Variants in CRTAM observed in about 807,000 individuals in gnomAD.
CRTAM encodes cytotoxic and regulatory T cell molecule.
CRTAM carries 44 observed loss-of-function variants against 50.0 expected under a neutral mutation model. The ratio of observed to expected loss-of-function variants is 0.88; its 90% CI spans 0.69 to 1.13. CRTAM has a LOEUF of 1.13. Among genes scored for constraint, CRTAM ranks in the 50% most tolerant of loss-of-function variants. The pLI is 0.00. For missense variants in CRTAM, 448 were observed against 457.5 expected (o/e 0.98, Z 0.19); for synonymous variants, 159 against 169.3 (o/e 0.94, Z 0.47).
chr11:122,863,344 AG>A (rs1862121967), intron 6 of CRTAM, among the ~76,000 whole-genome samples: 1 of 76,648 alleles, frequency 1.3e-5, no homozygotes, highest in Non-Finnish European at 3.9e-5. Flanking sequence ...AAAGAAAGAA[AG>A]AAAGAAAAAG....
intron 1 of CRTAM, among the ~76,000 whole-genome samples, chr11:122,849,855 T>G (rs930273653): frequency 1.3e-5 from 2 of 152,184 alleles, no homozygotes; most frequent in African/African-American, 4.8e-5. Flanking sequence ...TACCCCTTCC[T>G]TCAGACCTGA....
intron 7 of CRTAM, among the ~76,000 whole-genome samples, 187 bp downstream of exon 7, chr11:122,864,906 T>G (rs2135252608): frequency 6.6e-6 from 1 of 152,298 alleles, no homozygotes; most frequent in Non-Finnish European, 1.5e-5. Context: ...CTTTTCCTGG[T>G]TCTGTTATTT....
At position 122,854,067 on chromosome 11, in the gene CRTAM, G is replaced by A. The variant is rs1279946754; in HGVS notation, c.471G>A (p.Gly157=). Residue 157 remains glycine, a synonymous_variant, in exon 4 of 10, where the codon GGG becomes GGA. Transcript: ENST00000227348. ...CTCCGCAGATAACCTGGCTACTTGG[G>A]AATAGCATGGAAGTGTCCGGTAAGG... is the stretch of plus-strand genomic sequence containing the variant. ...KPPPQITWLL[G]NSMEVSGGTL... 1 of 1,613,932 alleles carries A rather than the reference G, an allele frequency of 6.2e-7. No homozygotes were observed. The highest frequency in any genetic ancestry group is 8.5e-7 in the Non-Finnish European group (1 of 1,179,922).
At position 122,862,136 on chromosome 11, in the gene CRTAM, T is replaced by C. The variant is rs1383015573; in HGVS notation, c.653-328T>C. ...CAAAGCCATCTAATAGGTAGATAGA[T>C]AGGTGGATGGGTAGATAAACAGACA... On this transcript the variant is annotated intron_variant, in intron 5 of 9. Coordinates refer to ENST00000227348, the MANE Select transcript of CRTAM (RefSeq NM_019604.4). Among the ~76,000 whole-genome samples, 4 of 152,256 alleles carry C rather than the reference T, an allele frequency of 2.6e-5. No individual in the cohort carries two copies. The East Asian group carries it at 7.7e-4, about 29-fold the overall frequency.
At chr11:122,851,591 C>A in intron 2 of CRTAM, 102 bp from the exon 3 acceptor site, 1 of 1,031,374 alleles carries the variant, frequency 9.7e-7, no homozygotes, top group Non-Finnish European at 1.5e-6. Context: ...TTGATTGTGC[C>A]AAATGTAGAA....
intron 9 of CRTAM, among the ~76,000 whole-genome samples, chr11:122,870,834 T>C (rs1382928601): frequency 6.6e-6 from 1 of 152,146 alleles, no homozygotes; most frequent in African/African-American, 2.4e-5. Context: ...ATCCCAGGAT[T>C]TGGGGAGGCT....
intron 5 of CRTAM, among the ~76,000 whole-genome samples, chr11:122,861,412 A>ACACACACACACACATACATATACG (rs1862077922): frequency 4.1e-5 from 1 of 24,246 alleles, no homozygotes; most frequent in African/African-American, 1.6e-4. Context: ...ATATATATAT[A>ACACACACACACACATACATATACG]TATATATATT....
At chr11:122,871,002 C>G (rs1007810911) in intron 9 of CRTAM, among the ~76,000 whole-genome samples, 5 of 151,872 alleles carry the variant, frequency 3.3e-5, no homozygotes, top group Non-Finnish European at 7.4e-5. Flanking sequence ...TCACTTGAGC[C>G]CGGGAGGCTG....
At chr11:122,863,300 GAGAAAGAAA>G (rs1410778645) in intron 6 of CRTAM, among the ~76,000 whole-genome samples, 2 of 122,802 alleles carry the variant, frequency 1.6e-5, no homozygotes, top group Non-Finnish European at 3.4e-5. Context: ...GAAAGAAAGA[GAGAAAGAAA>G]AGAAAGAAAG....
chr11:122,845,793 G>T (rs562287397), intron 1 of CRTAM, among the ~76,000 whole-genome samples: 1 of 152,238 alleles, frequency 6.6e-6, no homozygotes, highest in Admixed American at 6.5e-5. Context: ...ACATCATTTT[G>T]TTTATGCATT....
chr11:122,842,794 C>T (rs76924529), intron 1 of CRTAM, among the ~76,000 whole-genome samples: 1,953 of 152,168 alleles, frequency 0.013, 37 homozygotes, highest in African/African-American at 0.045. Flanking sequence ...ATCTGGTGTG[C>T]AGTGGTTGGT....
At chr11:122,859,580 G>C (rs745967434) in intron 5 of CRTAM, among the ~76,000 whole-genome samples, 3 of 151,944 alleles carry the variant, frequency 2.0e-5, no homozygotes, top group Non-Finnish European at 2.9e-5. Flanking sequence ...ATGTTATTTT[G>C]CTTTAAATAA....
chr11:122,871,257 T>A lies in CRTAM; in HGVS notation c.1052-12T>A, dbSNP rs551931464. 6.1e-5 allele frequency: 98 copies of A among 1,601,408 alleles called. No individual in the cohort carries two copies. The South Asian group carries it at 1.0e-3, about 16-fold the overall frequency. On this transcript the variant is annotated splice_polypyrimidine_tract_variant and intron_variant, in intron 9 of 9. Coordinates refer to ENST00000227348, the MANE Select transcript of CRTAM (RefSeq NM_019604.4). Reference sequence around the variant, plus strand: ...AAAATAAATATTCATCTTCAACATGTTTTTCTTTCAGCTTCCCACCCTATG... The same window carrying A: ...AAAATAAATATTCATCTTCAACATGATTTTCTTTCAGCTTCCCACCCTATG...
chr11:122,851,550 C>G (rs564528701), intron 2 of CRTAM, 143 bp from the exon 3 acceptor site: 4 of 732,306 alleles, frequency 5.5e-6, no homozygotes, highest in Admixed American at 4.9e-5. Context: ...CTTACCTTCC[C>G]GTGGAGATAG....
In CRTAM at chr11:122,838,585, C is replaced by T. The variant is rs1347758870; in HGVS notation, c.39C>T (p.Pro13=). Residue 13 remains proline, a synonymous_variant, in exon 1 of 10, where the codon CCC becomes CCT. Transcript: ENST00000227348. The part of the protein sequence containing the change: ...WRVLSLLAWF[P]LQEASLTNHT... ...TTCTCAGCTTGCTGGCATGGTTCCC[C>T]TTGCAAGGTAAGGACTTAGAGTTAT... The T allele has an allele frequency of 6.2e-7, 1 of 1,614,162 alleles. No individual in the cohort carries two copies. The highest frequency in any genetic ancestry group is 1.7e-5 in the Admixed American group (1 of 60,022).
rs1441106634 is a variant in CRTAM at position 122,864,667 on chromosome 11, G to C, written c.765G>C (p.Glu255Asp). Residue 255 changes from glutamate (E) to aspartate (D), a missense_variant, in exon 7 of 10, where the codon GAG becomes GAC. Coordinates refer to ENST00000227348, the MANE Select transcript of CRTAM (RefSeq NM_019604.4). The part of the protein sequence containing the change: ...VSVTEDSSTS[E>D]IDKEEKEQTT... Reference sequence around the variant, plus strand: ...TAACGGAAGATTCTAGTACATCGGAGATTGACAAGGAAGAGAAAGAACAAA... The same window carrying C: ...TAACGGAAGATTCTAGTACATCGGACATTGACAAGGAAGAGAAAGAACAAA... 3 of 1,613,600 alleles carry C rather than the reference G, an allele frequency of 1.9e-6. No homozygotes were observed. The highest frequency in any genetic ancestry group is 2.5e-6 in the Non-Finnish European group (3 of 1,179,684).
chr11:122,841,594 C>T (rs977450464), intron 1 of CRTAM, among the ~76,000 whole-genome samples: 3 of 151,942 alleles, frequency 2.0e-5, no homozygotes, highest in Non-Finnish European at 4.4e-5. Context: ...TAGAGACAGG[C>T]TTTCACCATG....
chr11:122,864,388 C>T (rs1379311510), intron 6 of CRTAM, among the ~76,000 whole-genome samples: 2 of 152,110 alleles, frequency 1.3e-5, no homozygotes, highest in Non-Finnish European at 2.9e-5. Flanking sequence ...ATAATATATA[C>T]CAAGTGCTCA....
chr11:122,856,471 C>T (rs751918127), intron 5 of CRTAM, among the ~76,000 whole-genome samples: 1 of 152,198 alleles, frequency 6.6e-6, no homozygotes, highest in African/African-American at 2.4e-5. Flanking sequence ...TAAAACTGTA[C>T]ACAACTCTTT....
Sources: gnomAD v4.1 joint callset for allele counts (sites outside exome capture counted in the v4.1 genomes callset) on GRCh38, gnomAD v4.1.1 for gene constraint, MANE v1.5 for transcripts, NCBI Gene and HGNC (gene_info 2026-07-23, HGNC 2026-07-21) for gene names.